Variants in PBX1 observed in about 807,000 individuals in gnomAD.
PBX1 encodes PBX homeobox 1.
PBX1 carries 6 observed loss-of-function variants against 53.4 expected under a neutral mutation model. The observed-to-expected ratio is 0.11, with a 90% CI of 0.06 to 0.22. The LOEUF (loss-of-function observed/expected upper bound fraction) is 0.22, where lower values mean the gene tolerates loss of function less well. Ranked by LOEUF, PBX1 falls within the 10% of genes least tolerant of loss-of-function variation. PBX1 has a pLI of 1.00. For synonymous variants in PBX1, 204 were observed against 212.3 expected (o/e 0.96, Z 0.34); for missense variants, 251 against 551.4 (o/e 0.46, Z 5.46).
At chr1:164,795,947 C>G (rs1265361028) in intron 3 of PBX1, among the ~76,000 whole-genome samples, 1 of 150,942 alleles carries the variant, frequency 6.6e-6, no homozygotes, top group Non-Finnish European at 1.5e-5. Context: ...CCTCCAAAAA[C>G]AAAACAAAAA....
chr1:164,613,605 C>T (rs1397293914), intron 2 of PBX1, among the ~76,000 whole-genome samples: 3 of 152,162 alleles, frequency 2.0e-5, no homozygotes, highest in Admixed American at 1.3e-4. Context: ...TATATGTGCA[C>T]GTGGGGGCCC....
At position 164,707,418 on chromosome 1, in the gene PBX1, T is replaced by TGTGAGAGAGAGAGAGAGAGAGAGAGA. The variant is rs58617739; in HGVS notation, c.266-85075_266-85074insTGAGAGAGAGAGAGAGAGAGAGAGAG. On this transcript the variant is annotated intron_variant, in intron 2 of 8. Coordinates refer to ENST00000420696, the MANE Select transcript of PBX1 (RefSeq NM_002585.4). ...AGGTGTGTGTGTGTGTGTGTGTGTGTGAGAGAGAGAGAGAGAGAGAGAGAG... is the reference window on the plus strand; with the variant it reads ...AGGTGTGTGTGTGTGTGTGTGTGTGTGTGAGAGAGAGAGAGAGAGAGAGAGAGAGAGAGAGAGAGAGAGAGAGAGAG... 3.2e-4 allele frequency among the ~76,000 whole-genome samples: 38 copies of TGTGAGAGAGAGAGAGAGAGAGAGAGA among 118,248 alleles called. 1 individual carries two copies. The highest frequency in any genetic ancestry group is 1.3e-3 in the African/African-American group (35 of 26,130). 77.6% of individuals were successfully genotyped at this position (118,248 alleles called of 152,430 possible). A position where few individuals can be genotyped will look rare whatever the true frequency, so the allele number is the denominator to read the frequency against.
rs142752205 is a variant in PBX1 at position 164,844,886 on chromosome 1, C to T, written c.1201-1698C>T. Among the ~76,000 whole-genome samples the T allele has an allele frequency of 1.9e-3, 290 of 152,242 alleles. 1 individual carries two copies. The highest frequency in any genetic ancestry group is 0.014 in the Middle Eastern group (4 of 294). On this transcript the variant is annotated intron_variant, in intron 8 of 8. Coordinates refer to ENST00000420696, the MANE Select transcript of PBX1 (RefSeq NM_002585.4). ...AATTATTTTCCTCCTTATTGTTCTC[C>T]GTCTAATCTGTTTATCACAAACAGC... is the stretch of plus-strand genomic sequence containing the variant.
chr1:164,853,940 A>AT (rs58184792), downstream of PBX1, among the ~76,000 whole-genome samples: 264 of 145,906 alleles, frequency 1.8e-3, 1 homozygote, highest in African/African-American at 5.9e-3. Flanking sequence ...TATTTATTTT[A>AT]TTTTTTTTTT....
chr1:164,858,130 C>T (rs367600451), intron 2 of PBX1, among the ~76,000 whole-genome samples: 1 of 152,028 alleles, frequency 6.6e-6, no homozygotes, highest in African/African-American at 2.4e-5. Context: ...TGTCATCTCC[C>T]AGCTCAATCA....
chr1:164,762,462 C>A (rs939941703), intron 2 of PBX1, among the ~76,000 whole-genome samples: 1 of 152,204 alleles, frequency 6.6e-6, no homozygotes, highest in African/African-American at 2.4e-5. Context: ...AGAGCCAAGT[C>A]TTTCAGCAAT....
At position 164,700,594 on chromosome 1, in the gene PBX1, A is replaced by T. The variant is rs1663062015; in HGVS notation, c.266-91900A>T. The T allele has an allele frequency of 3.0e-6, 3 of 985,232 alleles. No homozygotes were observed. The African/African-American group carries it at 5.2e-5, about 17-fold the overall frequency. 61.0% of individuals were successfully genotyped at this position (985,232 alleles called of 1,614,324 possible). ...ACGGGAGCAGACAGTGATCATCTTT[A>T]TTACCTCATGGTCTAGTTACAGTGC... On this transcript the variant is annotated intron_variant, in intron 2 of 8. Transcript: ENST00000420696.
Position 164,850,042 on chromosome 1 carries a change from G to GA in PBX1, c.*3376dup, listed in dbSNP as rs540998480. 0.013 allele frequency: 2,710 copies of GA among 201,184 alleles called. No homozygotes were observed. The highest frequency in any genetic ancestry group is 0.03 in the Middle Eastern group (18 of 610). 12.5% of individuals were successfully genotyped at this position (201,184 alleles called of 1,614,324 possible). On this transcript the variant is annotated 3_prime_UTR_variant, in exon 9 of 9. Coordinates refer to ENST00000420696, the MANE Select transcript of PBX1 (RefSeq NM_002585.4). ...GAATGTTCTTGTATATTCAGATAAAGAAAAAAAAAACCAAAAAAGCGGTCT... is the reference window on the plus strand; with the variant it reads ...GAATGTTCTTGTATATTCAGATAAAGAAAAAAAAAAACCAAAAAAGCGGTCT...
intron 2 of PBX1, among the ~76,000 whole-genome samples, chr1:164,613,581 G>A (rs749998159): frequency 1.1e-4 from 16 of 152,172 alleles, no homozygotes; most frequent in Non-Finnish European, 1.8e-4. Flanking sequence ...ACAGTGTTGC[G>A]GTTATGATCT....
intron 2 of PBX1, among the ~76,000 whole-genome samples, chr1:164,743,620 T>G (rs1665736537): frequency 6.6e-6 from 1 of 152,144 alleles, no homozygotes; most frequent in African/African-American, 2.4e-5. Flanking sequence ...TCAGTTAAAG[T>G]TAAGTCTCTC....
intron 2 of PBX1, among the ~76,000 whole-genome samples, chr1:164,741,951 A>G (rs763753007): frequency 4.6e-5 from 7 of 152,000 alleles, no homozygotes; most frequent in East Asian, 1.9e-4. Flanking sequence ...TAGGCTTACT[A>G]TATTCTATCT....
At chr1:164,566,484 A>C (rs1653440785) in intron 2 of PBX1, among the ~76,000 whole-genome samples, 1 of 152,200 alleles carries the variant, frequency 6.6e-6, no homozygotes, top group South Asian at 2.1e-4. Context: ...TACAGAGACA[A>C]TTAGAGTTTT....
intron 2 of PBX1, among the ~76,000 whole-genome samples, chr1:164,637,836 A>G (rs1423936698): frequency 6.6e-6 from 1 of 152,216 alleles, no homozygotes; most frequent in Middle Eastern, 3.2e-3. Flanking sequence ...GGGCAGACAG[A>G]ACAGGCTTTC....
chr1:164,686,251 T>C (rs1252728232), intron 2 of PBX1, among the ~76,000 whole-genome samples: 2 of 152,236 alleles, frequency 1.3e-5, no homozygotes, highest in East Asian at 3.8e-4. Flanking sequence ...TTCGGTCACC[T>C]GGAACCTGTG....
rs77742883 is a variant in PBX1 at position 164,645,257 on chromosome 1, A to G, written c.265+81946A>G. On this transcript the variant is annotated intron_variant, in intron 2 of 8. Transcript: ENST00000420696. ...GGATTCCCCCCCTTCTTTTGGTGAGATAGAATTGTAGAGCTCAAGGTGTCC... is the reference window on the plus strand; with the variant it reads ...GGATTCCCCCCCTTCTTTTGGTGAGGTAGAATTGTAGAGCTCAAGGTGTCC... Among the ~76,000 whole-genome samples the G allele has an allele frequency of 8.5e-4, 129 of 152,096 alleles. 1 individual carries two copies. Among genetic ancestry groups the G allele is most frequent in the African/African-American group, 2.9e-3 (121 of 41,492 alleles).
chr1:164,563,032 C>T (rs1653175117), intron 1 of PBX1: 2 of 369,930 alleles, frequency 5.4e-6, no homozygotes, highest in African/African-American at 2.1e-5. Context: ...GTAGTTAAAT[C>T]CCTACCCTCT....
intron 4 of PBX1, among the ~76,000 whole-genome samples, chr1:164,804,960 A>C (rs1472117024): frequency 6.6e-6 from 1 of 152,224 alleles, no homozygotes; most frequent in Non-Finnish European, 1.5e-5. Flanking sequence ...TGGAGTCTGC[A>C]GTCATAAATG....
intron 2 of PBX1, among the ~76,000 whole-genome samples, chr1:164,697,261 G>A (rs2102038170): frequency 6.6e-6 from 1 of 152,244 alleles, no homozygotes; most frequent in South Asian, 2.1e-4. Context: ...GGCAGAGCAG[G>A]GATTAGAACC....
At chr1:164,723,979 A>G (rs1489328) in intron 2 of PBX1, among the ~76,000 whole-genome samples, 50,798 of 151,858 alleles carry the variant, frequency 0.33, 8,819 homozygotes, top group South Asian at 0.46. Context: ...ATCTGCATGC[A>G]GGTTAGGGGT....
Sources: allele counts gnomAD v4.1 joint callset (sites outside exome capture counted in the v4.1 genomes callset), GRCh38; gene constraint gnomAD v4.1.1; transcripts MANE v1.5; gene names NCBI Gene and HGNC (gene_info 2026-07-23, HGNC 2026-07-21).